The following TANC2 variants were observed in gnomAD, a reference collection of about 807,000 sequenced individuals.
The protein encoded by TANC2 is protein TANC2.
In TANC2, 26 loss-of-function variants were observed where a neutral mutation model predicts 210.5. The ratio of observed to expected loss-of-function variants is 0.12; its 90% CI spans 0.09 to 0.17. The LOEUF is 0.17. Among genes scored for constraint, TANC2 ranks in the 10% least tolerant of loss-of-function variants. The probability of loss-of-function intolerance (pLI) is 1.00; values close to 1 mark genes in which losing one functional copy is unlikely to be tolerated. For missense variants in TANC2, 2,129 were observed against 2,608.9 expected, an observed-to-expected ratio of 0.82 and a Z score of 4.01; for synonymous variants, 931 against 967.1, an observed-to-expected ratio of 0.96 and a Z score of 0.69.
chr17:63,396,092 C>A (rs898384810), intron 18 of TANC2, 164 bp downstream of exon 18: 2 of 650,554 alleles, frequency 3.1e-6, no homozygotes, highest in Non-Finnish European at 5.1e-6. Flanking sequence ...GCACTTTACT[C>A]AAATGCCAAA....
chr17:63,062,732 C>CATTT (rs531656883), intron 2 of TANC2, among the ~76,000 whole-genome samples: 152 of 152,212 alleles, frequency 1.0e-3, no homozygotes, highest in Non-Finnish European at 1.8e-3. Context: ...TAGCAATACC[C>CATTT]ATTTATATTT....
chr17:63,279,550 G>T (rs550576798), intron 9 of TANC2, among the ~76,000 whole-genome samples: 4 of 152,142 alleles, frequency 2.6e-5, no homozygotes, highest in African/African-American at 9.6e-5. Flanking sequence ...AAGATATATA[G>T]AGAGTGTAGC....
intron 14 of TANC2, among the ~76,000 whole-genome samples, chr17:63,364,307 A>G (rs970810108): frequency 6.6e-6 from 1 of 152,162 alleles, no homozygotes. Flanking sequence ...AACTGTTCCC[A>G]TCTTTCACCC....
At chr17:63,148,836 A>C (rs1233964332) in intron 4 of TANC2, 1 of 152,138 alleles carries the variant, frequency 6.6e-6, no homozygotes, top group Non-Finnish European at 1.5e-5. Context: ...CCATCTTCCA[A>C]CTTGCCCTTC....
chr17:63,252,861 T>C (rs1015896323), intron 8 of TANC2, among the ~76,000 whole-genome samples: 16 of 152,314 alleles, frequency 1.1e-4, no homozygotes, highest in Middle Eastern at 3.4e-3. Context: ...TGGAGTGCAG[T>C]GGTGCAATTA....
rs750422428 is a variant in TANC2 at position 63,412,037 on chromosome 17, G to A, written c.3805G>A (p.Val1269Ile). ...AGATCATGGGGCCATGATCGAGCAC[G>A]TTGACTACAGTGGAATGCGCCCTTT... The change falls in exon 23 of 28, where the codon GTT becomes ATT. Residue 1269 changes from valine (V) to isoleucine (I), a missense_variant. Around this residue, in one of 5 missense-constraint regions of TANC2, gnomAD observed 644 missense variants for 937.5 expected, o/e 0.69. Transcript: ENST00000689528. The surrounding 1 kb of genome is among the most constrained non-coding windows in gnomAD (Gnocchi z 4.2). 34 of 1,613,894 alleles carry A rather than the reference G, an allele frequency of 2.1e-5. No individual in the cohort carries two copies. Among genetic ancestry groups the A allele is most frequent in the South Asian group, 7.7e-5 (7 of 91,078 alleles).
intron 2 of TANC2, among the ~76,000 whole-genome samples, chr17:63,068,396 C>T (rs1351867444): frequency 6.6e-6 from 1 of 152,038 alleles, no homozygotes; most frequent in Non-Finnish European, 1.5e-5. Context: ...AATTTGGTTG[C>T]TCTTATGGAG....
intron 5 of TANC2, among the ~76,000 whole-genome samples, chr17:63,186,605 T>C (rs914440857): frequency 1.3e-5 from 2 of 151,740 alleles, no homozygotes; most frequent in Admixed American, 6.6e-5. Flanking sequence ...CACCCCCCGC[T>C]TCAGCCTCCC....
chr17:63,295,592 A>G (rs1164945235), intron 9 of TANC2, among the ~76,000 whole-genome samples: 1 of 152,202 alleles, frequency 6.6e-6, no homozygotes, highest in Non-Finnish European at 1.5e-5. Context: ...GAAAATTCCT[A>G]AAGGGAAGTA....
At chr17:63,097,192 C>T (rs1242189135) in intron 3 of TANC2, among the ~76,000 whole-genome samples, 1 of 151,956 alleles carries the variant, frequency 6.6e-6, no homozygotes, top group African/African-American at 2.4e-5. Context: ...AGGTACATGC[C>T]ACTGTACCTG....
intron 1 of TANC2, among the ~76,000 whole-genome samples, chr17:62,987,036 T>C (rs1218882341): frequency 6.6e-6 from 1 of 152,170 alleles, no homozygotes; most frequent in Non-Finnish European, 1.5e-5. Context: ...CATATGAACA[T>C]GTAGCTATTC....
rs1467623134 is a variant in TANC2 at position 63,420,554 on chromosome 17, G to A, written c.4824G>A (p.Gln1608=). 5.6e-6 allele frequency: 9 copies of A among 1,613,806 alleles called. No individual in the cohort carries two copies. The highest frequency in any genetic ancestry group is 6.8e-6 in the Non-Finnish European group (8 of 1,179,874). The change falls in exon 28 of 28, where the codon CAG becomes CAA. Residue 1608 remains glutamine (Q), a synonymous_variant. Coordinates refer to ENST00000689528, the Ensembl canonical transcript of TANC2. The surrounding 1 kb of genome is among the most constrained non-coding windows in gnomAD (Gnocchi z 4.2). ...TCAGCCCCCCTCCTGTGGGAGGACA[G>A]GGCAAAGAATACCCAAGCCCTCCCC... is the stretch of plus-strand genomic sequence containing the variant.
intron 5 of TANC2, among the ~76,000 whole-genome samples, chr17:63,185,139 C>T (rs769543620): frequency 9.9e-5 from 15 of 151,998 alleles, no homozygotes; most frequent in Non-Finnish European, 1.5e-4. Flanking sequence ...GGACTACAGG[C>T]GTGCACTACC....
chr17:63,088,473 T>G (rs1235779772), intron 3 of TANC2: 1 of 152,236 alleles, frequency 6.6e-6, no homozygotes, highest in Non-Finnish European at 1.5e-5. Context: ...AAGACTTTCC[T>G]GAATTCACCG....
chr17:63,271,169 G>A (rs1567870300), intron 9 of TANC2, among the ~76,000 whole-genome samples: 1 of 151,946 alleles, frequency 6.6e-6, no homozygotes. Flanking sequence ...ATATTCCTTC[G>A]AATATACCCA....
chr17:62,992,486 A>T (rs1328618656), intron 1 of TANC2, among the ~76,000 whole-genome samples: 2 of 152,174 alleles, frequency 1.3e-5, no homozygotes, highest in African/African-American at 4.8e-5. Flanking sequence ...TTAGTCCAGT[A>T]TTTTTTGTTT....
At chr17:63,254,062 T>C (rs764229466) in intron 8 of TANC2, among the ~76,000 whole-genome samples, 1 of 152,172 alleles carries the variant, frequency 6.6e-6, no homozygotes, top group Non-Finnish European at 1.5e-5. Context: ...GCTTTGAATC[T>C]GTAGATTGCT....
chr17:62,987,213 A>G (rs1446355375), intron 1 of TANC2, among the ~76,000 whole-genome samples: 1 of 152,128 alleles, frequency 6.6e-6, no homozygotes, highest in Admixed American at 6.5e-5. Context: ...GCAGGACCAG[A>G]GTCACAGCTA....
chr17:63,048,428 G>A (rs1206745633), intron 2 of TANC2, among the ~76,000 whole-genome samples: 2 of 152,164 alleles, frequency 1.3e-5, no homozygotes, highest in African/African-American at 4.8e-5. Context: ...GAGGTGCTAA[G>A]TAGGGTAGTT....
Sources: allele counts gnomAD v4.1 joint callset (sites outside exome capture counted in the v4.1 genomes callset), GRCh38; gene constraint gnomAD v4.1.1; regional missense constraint gnomAD v4.1.1; non-coding constraint Gnocchi (gnomAD v3.1); transcripts MANE v1.5; gene names NCBI Gene and HGNC (gene_info 2026-07-23, HGNC 2026-07-21).